Variants in SYCE1L observed in about 807,000 individuals in gnomAD.
SYCE1L encodes synaptonemal complex central element protein 1 like.
In SYCE1L, 51 loss-of-function variants were observed where a neutral mutation model predicts 39.6. The ratio of observed to expected loss-of-function variants is 1.29; its 90% CI spans 1.03 to 1.63. The LOEUF (loss-of-function observed/expected upper bound fraction) is 1.63, where lower values mean the gene tolerates loss of function less well. Among genes scored for constraint, SYCE1L ranks in the 40% most tolerant of loss-of-function variants. The pLI is 0.00. For synonymous variants in SYCE1L, 147 were observed against 122.4 expected (o/e 1.20, Z -1.33); for missense variants, 426 against 304.9 (o/e 1.40, Z -2.96).
At chr16:77,206,587 C>T in intron 2 of SYCE1L, 87 bp downstream of exon 2, 1 of 1,331,634 alleles carries the variant, frequency 7.5e-7, no homozygotes, top group Non-Finnish European at 1.1e-6. Context: ...AACTCACAAC[C>T]TCAGGAAATT....
At chr16:77,203,425 A>C (rs1284699442) in intron 1 of SYCE1L, among the ~76,000 whole-genome samples, 1 of 151,436 alleles carries the variant, frequency 6.6e-6, no homozygotes, top group Non-Finnish European at 1.5e-5. Flanking sequence ...TCAGGCCAAA[A>C]AAAAAAGATA....
chr16:77,212,786 G>A lies in SYCE1L; in HGVS notation c.655-71G>A, dbSNP rs191937045. On this transcript the variant is annotated intron_variant, in intron 10 of 10. Transcript: ENST00000378644. The stretch of plus-strand genomic sequence containing the variant: ...GGGGACAGAGGAAGCCGCGGTGGAG[G>A]CCTAGGGCAGACGCGGGCGGACGCG... The A allele has an allele frequency of 1.4e-3, 1,931 of 1,430,296 alleles. 21 individuals carry two copies. The African/African-American group carries it at 0.024, about 18-fold the overall frequency. The allele number at this position is 1,430,296 out of a possible 1,614,324, so 88.6% of individuals were successfully genotyped here. A position where few individuals can be genotyped will look rare whatever the true frequency, so the allele number is the denominator to read the frequency against.
chr16:77,212,484 C>A, intron 9 of SYCE1L, 90 bp from the exon 10 acceptor site: 2 of 1,538,022 alleles, frequency 1.3e-6, no homozygotes, highest in Non-Finnish European at 1.8e-6. Flanking sequence ...CCTCCCTCGG[C>A]GTCGTCGGGT....
chr16:77,200,274 G>GTATATATATATA (rs1229854135), intron 1 of SYCE1L: 2 of 113,582 alleles, frequency 1.8e-5, no homozygotes, highest in African/African-American at 3.5e-5. Context: ...ATATATATGT[G>GTATATATATATA]TATATATATA....
intron 5 of SYCE1L, 56 bp from the exon 6 acceptor site, chr16:77,209,361 G>A: frequency 1.3e-6 from 2 of 1,544,772 alleles, no homozygotes; most frequent in East Asian, 4.9e-5. Context: ...ATTACCTCTG[G>A]CCAACCCTGA....
chr16:77,212,475 C>T, intron 9 of SYCE1L, 99 bp from the exon 10 acceptor site: 3 of 1,540,028 alleles, frequency 1.9e-6, no homozygotes, highest in South Asian at 1.2e-5. Context: ...CGGCCTGTGC[C>T]TCCCTCGGCG....
chr16:77,200,746 CAAAAAAAAAA>C (rs11344903), intron 1 of SYCE1L: 2 of 84,838 alleles, frequency 2.4e-5, no homozygotes, highest in African/African-American at 4.6e-5. Context: ...ACAGAGTGAG[CAAAAAAAAAA>C]AAAAAAAAAG....
At position 77,199,487 on chromosome 16, in the gene SYCE1L, G is replaced by T. The variant is rs1342674159; in HGVS notation, c.36G>T (p.Ala12=). ...AGKLKPLNVE[A]PEATEEAEGQ... ...AGCTGAAACCTCTGAATGTGGAGGC[G>T]CCAGAAGCTACTGAGGAGGCTGAAG... The change falls in exon 1 of 11, where the codon GCG becomes GCT. Residue 12 remains alanine, a synonymous_variant. Coordinates refer to ENST00000378644, the MANE Select transcript of SYCE1L (RefSeq NM_001129979.3). 7 of 1,551,436 alleles carry T rather than the reference G, an allele frequency of 4.5e-6. No homozygotes were observed. In the East Asian group the frequency reaches 1.5e-4, roughly 32 times the overall value.
intron 6 of SYCE1L, among the ~76,000 whole-genome samples, chr16:77,209,914 C>T (rs940310600): frequency 6.6e-6 from 1 of 152,208 alleles, no homozygotes; most frequent in Non-Finnish European, 1.5e-5. Context: ...TTATCTCCGG[C>T]CTTCCACCTA....
intron 1 of SYCE1L, chr16:77,201,391 A>G (rs1311037837): frequency 6.6e-6 from 1 of 152,234 alleles, no homozygotes; most frequent in Non-Finnish European, 1.5e-5. Context: ...CAGCAAAGGA[A>G]AAATTGAAGG....
intron 2 of SYCE1L, among the ~76,000 whole-genome samples, chr16:77,207,567 C>T (rs2054794035): frequency 1.3e-5 from 2 of 152,194 alleles, no homozygotes; most frequent in South Asian, 4.1e-4. Context: ...AGTGACAACC[C>T]TTCCTGCCTG....
intron 5 of SYCE1L, 126 bp downstream of exon 5, chr16:77,209,270 T>C: frequency 7.5e-7 from 1 of 1,335,338 alleles, no homozygotes; most frequent in Non-Finnish European, 1.1e-6. Context: ...TGCACAGATC[T>C]CTTCCTGGAT....
At position 77,213,011 on chromosome 16, in the gene SYCE1L, G is replaced by T. The variant is rs1473448309; in HGVS notation, c.*80G>T. 1.5e-6 allele frequency: 2 copies of T among 1,370,642 alleles called. No homozygotes were observed. The highest frequency in any genetic ancestry group is 1.9e-6 in the Non-Finnish European group (2 of 1,037,574). The allele number at this position is 1,370,642 out of a possible 1,614,324, so 84.9% of individuals were successfully genotyped here. ...GGCGATGATTTCCGACCATGCTCGC[G>T]TTCTCCGCGGAGTCTGTGCTACACC... On this transcript the variant is annotated 3_prime_UTR_variant, in exon 11 of 11. Coordinates refer to ENST00000378644, the MANE Select transcript of SYCE1L (RefSeq NM_001129979.3).
chr16:77,200,270 A>ATGTG (rs67856642), intron 1 of SYCE1L: 24 of 95,004 alleles, frequency 2.5e-4, no homozygotes, highest in Middle Eastern at 5.0e-3. Context: ...ATATATATAT[A>ATGTG]TGTGTATATA....
chr16:77,209,809 C>T (rs2054810354), intron 6 of SYCE1L, among the ~76,000 whole-genome samples: 1 of 152,180 alleles, frequency 6.6e-6, no homozygotes, highest in African/African-American at 2.4e-5. Context: ...CATTTGCCCA[C>T]CCATTCATCT....
intron 4 of SYCE1L, among the ~76,000 whole-genome samples, 191 bp downstream of exon 4, chr16:77,208,730 C>T (rs1450768003): frequency 1.3e-5 from 2 of 152,228 alleles, no homozygotes; most frequent in African/African-American, 2.4e-5. Context: ...TTGATGGTCT[C>T]ATCTAAGAAT....
intron 1 of SYCE1L, chr16:77,200,264 A>G (rs1375113333): frequency 1.7e-5 from 2 of 114,426 alleles, no homozygotes; most frequent in African/African-American, 6.4e-5. Context: ...GTGTATATAT[A>G]TATATATGTG....
chr16:77,209,467 C>T lies in SYCE1L; in HGVS notation c.355C>T (p.Gln119Ter), dbSNP rs1396283115. ...MHCQEKESEA[Q>*]RLDVRGQLED... ...CTGCCAAGAGAAGGAAAGCGAGGCTCAGAGGTAAGAGGCCCTGCCTCAGCT... is the reference window on the plus strand; with the variant it reads ...CTGCCAAGAGAAGGAAAGCGAGGCTTAGAGGTAAGAGGCCCTGCCTCAGCT... The change falls in exon 6 of 11, where the codon CAG becomes TAG. Residue 119 changes from glutamine (Q) to a stop codon, truncating the protein, a stop_gained. Coordinates refer to ENST00000378644, the MANE Select transcript of SYCE1L (RefSeq NM_001129979.3). LOFTEE classifies it high-confidence loss of function. 1.3e-6 allele frequency: 2 copies of T among 1,551,632 alleles called. No individual in the cohort carries two copies. Among genetic ancestry groups the T allele is most frequent in the Non-Finnish European group, 1.7e-6 (2 of 1,147,024 alleles).
intron 1 of SYCE1L, among the ~76,000 whole-genome samples, chr16:77,203,805 A>C (rs2142513020): frequency 6.6e-6 from 1 of 152,004 alleles, no homozygotes; most frequent in Non-Finnish European, 1.5e-5. Context: ...ACGTTGGCCA[A>C]GCTGGTCTCG....
Sources: gnomAD v4.1 joint callset for allele counts (sites outside exome capture counted in the v4.1 genomes callset) on GRCh38, gnomAD v4.1.1 for gene constraint, MANE v1.5 for transcripts, NCBI Gene and HGNC (gene_info 2026-07-23, HGNC 2026-07-21) for gene names.